The following NLRP7 variants were observed in gnomAD, a reference collection of about 807,000 sequenced individuals.
The protein encoded by NLRP7 is NLR family pyrin domain containing 7.
In NLRP7, 72 loss-of-function variants were observed where a neutral mutation model predicts 85.5. The observed-to-expected ratio is 0.84, with a 90% CI of 0.70 to 1.02. NLRP7 has a LOEUF of 1.02. Ranked by LOEUF, NLRP7 falls within the 50% of genes least tolerant of loss-of-function variation. The pLI is 0.00. For synonymous variants in NLRP7, 550 were observed against 505.2 expected, an observed-to-expected ratio of 1.09 and a Z score of -1.19; for missense variants, 1,243 against 1,219.5, an observed-to-expected ratio of 1.02 and a Z score of -0.29.
At chr19:54,962,784 A>C (rs1462670388) in intron 1 of NLRP7, among the ~76,000 whole-genome samples, 3 of 149,602 alleles carry the variant, frequency 2.0e-5, no homozygotes, top group Non-Finnish European at 3.0e-5. Flanking sequence ...TATTTTTAGT[A>C]GAGACGGGGT....
chr19:54,935,620 G>A (rs1248730185), intron 6 of NLRP7, among the ~76,000 whole-genome samples: 1 of 151,440 alleles, frequency 6.6e-6, no homozygotes, highest in East Asian at 1.9e-4. Flanking sequence ...TTGAACCCAG[G>A]AGGCGGAGGT....
rs2068626521 is a variant in NLRP7, at chr19:54,930,423, C to T, written c.2810+76G>A. On this transcript the variant is annotated intron_variant, in intron 9 of 9. Coordinates refer to ENST00000340844, the Ensembl canonical transcript of NLRP7. ...GCCGCAGTGAGCCGTAATCACCCCACTGCACTCCAGGCTGGGGGACAGAGC... is the reference window on the plus strand; with the variant it reads ...GCCGCAGTGAGCCGTAATCACCCCATTGCACTCCAGGCTGGGGGACAGAGC... 3 of 1,024,804 alleles carry T rather than the reference C, an allele frequency of 2.9e-6. No individual in the cohort carries two copies. The South Asian group carries it at 3.9e-5, about 13-fold the overall frequency. The allele number at this position is 1,024,804 out of a possible 1,614,324, so 63.5% of individuals were successfully genotyped here.
At chr19:54,939,690 T>C in exon 4 of NLRP7, 1 of 1,613,134 alleles carries the variant, frequency 6.2e-7, no homozygotes, top group Non-Finnish European at 8.5e-7. Context: ...CCCTTCTCCA[T>C]CTGCAGCTTC....
intron 9 of NLRP7, among the ~76,000 whole-genome samples, chr19:54,930,190 G>A (rs535188389): frequency 6.6e-6 from 1 of 151,730 alleles, no homozygotes; most frequent in Admixed American, 6.6e-5. Flanking sequence ...AATGAGGCCA[G>A]GCATGATGGC....
Position 54,939,562 on chromosome 19 carries a change from G to C in NLRP7, c.1257C>G (p.Ala419=), listed in dbSNP as rs151120858. 1,245 of 1,612,546 alleles carry C rather than the reference G, an allele frequency of 7.7e-4. 6 individuals are homozygous for C. Among genetic ancestry groups the C allele is most frequent in the Middle Eastern group, 2.7e-3 (16 of 5,972 alleles). Residue 419 remains alanine, a synonymous_variant, in exon 4 of 10, where the codon GCC becomes GCG. Transcript: ENST00000340844. ...ACATCTGCGCCCACAGGCCCTGCGC[G>C]GCCAGGAGGCTCAGCGTCCGCAGCG...
chr19:54,939,043 C>T (rs756075362), exon 4 of NLRP7: 5 of 1,614,224 alleles, frequency 3.1e-6, no homozygotes, highest in Middle Eastern at 1.6e-4. Context: ...TAGAAATTTC[C>T]TTGAACGGGG....
chr19:54,937,619 C>T (rs1602158621), intron 5 of NLRP7, among the ~76,000 whole-genome samples: 1 of 151,812 alleles, frequency 6.6e-6, no homozygotes, highest in East Asian at 1.9e-4. Flanking sequence ...AAAAAGGGGC[C>T]AGGTGCAGCG....
chr19:54,964,248 G>T (rs547431333), intron 1 of NLRP7, among the ~76,000 whole-genome samples: 3 of 96,988 alleles, frequency 3.1e-5, no homozygotes, highest in Admixed American at 1.5e-4. Context: ...ATGGAGCCTT[G>T]CTCTGTCGCC....
chr19:54,964,247 T>G (rs535515239), intron 1 of NLRP7, among the ~76,000 whole-genome samples: 3 of 107,556 alleles, frequency 2.8e-5, no homozygotes, highest in Non-Finnish European at 3.7e-5. Flanking sequence ...GATGGAGCCT[T>G]GCTCTGTCGC....
intron 1 of NLRP7, among the ~76,000 whole-genome samples, chr19:54,964,264 T>TG (rs1319902232): frequency 1.6e-5 from 2 of 125,576 alleles, no homozygotes; most frequent in Non-Finnish European, 3.2e-5. Context: ...TCGCCCAGGC[T>TG]GGAGTGCAGT....
intron 1 of NLRP7, among the ~76,000 whole-genome samples, chr19:54,943,176 G>A (rs2069309008): frequency 6.6e-6 from 1 of 151,792 alleles, no homozygotes; most frequent in African/African-American, 2.4e-5. Context: ...CAGGCCTGGT[G>A]GAACATACCC....
chr19:54,944,535 G>A (rs1256405443), intron 1 of NLRP7, among the ~76,000 whole-genome samples: 2 of 151,760 alleles, frequency 1.3e-5, no homozygotes, highest in East Asian at 1.9e-4. Flanking sequence ...TCAGAGACCC[G>A]GCCGGCGCGG....
chr19:54,943,776 A>G (rs1031738149), intron 1 of NLRP7, among the ~76,000 whole-genome samples: 7 of 152,164 alleles, frequency 4.6e-5, no homozygotes, highest in Admixed American at 2.6e-4. Context: ...TACTGTGTCT[A>G]TGTAGAAAGA....
At chr19:54,963,823 C>CA (rs1232597276) in intron 1 of NLRP7, among the ~76,000 whole-genome samples, 1 of 139,130 alleles carries the variant, frequency 7.2e-6, no homozygotes, top group Non-Finnish European at 1.6e-5. Context: ...GACTCAGTCT[C>CA]AGAAAAAAAA....
At chr19:54,937,086 C>T (rs1457038843) in intron 5 of NLRP7, among the ~76,000 whole-genome samples, 6 of 147,842 alleles carry the variant, frequency 4.1e-5, no homozygotes, top group East Asian at 2.0e-4. Flanking sequence ...GGCGTGGTGG[C>T]GGGCGCCTGT....
chr19:54,933,613 C>G (rs967842930), exon 8 of NLRP7: 2 of 1,614,116 alleles, frequency 1.2e-6, no homozygotes, highest in African/African-American at 1.3e-5. Flanking sequence ...AGCCCTCACA[C>G]AGAAACTTCA....
intron 4 of NLRP7, among the ~76,000 whole-genome samples, chr19:54,938,507 T>C (rs1032301429): frequency 2.0e-5 from 3 of 152,142 alleles, no homozygotes; most frequent in African/African-American, 7.2e-5. Context: ...GAAGATCACT[T>C]GAGCCCAGGA....
chr19:54,931,909 A>G (rs1333656170), intron 8 of NLRP7, among the ~76,000 whole-genome samples: 1 of 151,828 alleles, frequency 6.6e-6, no homozygotes, highest in Non-Finnish European at 1.5e-5. Context: ...TGCCTGGGAC[A>G]ACAGCTTAGG....
At chr19:54,932,064 G>GGGTA (rs2068702420) in intron 8 of NLRP7, among the ~76,000 whole-genome samples, 1 of 152,056 alleles carries the variant, frequency 6.6e-6, no homozygotes, top group Non-Finnish European at 1.5e-5. Context: ...ACATATATAG[G>GGGTA]GGTATAGTGT....
Sources: allele counts gnomAD v4.1 joint callset (sites outside exome capture counted in the v4.1 genomes callset), GRCh38; gene constraint gnomAD v4.1.1; transcripts MANE v1.5; gene names NCBI Gene and HGNC (gene_info 2026-07-23, HGNC 2026-07-21).